The following CAMKMT variants were observed in gnomAD, a reference collection of about 807,000 sequenced individuals.
CAMKMT encodes CaM KMT.
In CAMKMT, 53 loss-of-function variants were observed where a neutral mutation model predicts 48.0. That is an observed-to-expected ratio of 1.10 (90% CI 0.89 to 1.39). The LOEUF is 1.39. Among genes scored for constraint, CAMKMT ranks in the 40% most tolerant of loss-of-function variants. CAMKMT has a pLI of 0.00. For synonymous variants in CAMKMT, 165 were observed against 152.3 expected (o/e 1.08, Z -0.61); for missense variants, 428 against 402.7 (o/e 1.06, Z -0.54).
chr2:44,517,341 A>G (rs1034424793), intron 3 of CAMKMT, among the ~76,000 whole-genome samples: 3 of 152,242 alleles, frequency 2.0e-5, no homozygotes, highest in African/African-American at 7.2e-5. Flanking sequence ...TTTTATGAGC[A>G]ACTTAAGAAT....
chr2:44,514,861 T>C (rs1480496916), intron 3 of CAMKMT, among the ~76,000 whole-genome samples: 1 of 152,210 alleles, frequency 6.6e-6, no homozygotes, highest in Non-Finnish European at 1.5e-5. Flanking sequence ...AAGATAAGTA[T>C]ATATAAAAGG....
At chr2:44,406,028 T>G (rs1367552301) in intron 3 of CAMKMT, among the ~76,000 whole-genome samples, 1 of 152,172 alleles carries the variant, frequency 6.6e-6, no homozygotes, top group Non-Finnish European at 1.5e-5. Context: ...CATATTTAAC[T>G]TGGAACCAAG....
At chr2:44,484,427 A>G (rs1669115294) in intron 3 of CAMKMT, among the ~76,000 whole-genome samples, 1 of 152,090 alleles carries the variant, frequency 6.6e-6, no homozygotes, top group African/African-American at 2.4e-5. Context: ...ACCCACATAT[A>G]TGTGGAAACT....
chr2:44,753,907 C>G, intron 8 of CAMKMT, 148 bp from the exon 9 acceptor site: 3 of 644,718 alleles, frequency 4.7e-6, no homozygotes, highest in Non-Finnish European at 8.3e-6. Context: ...CTCCCACCCC[C>G]TCCAGTGAGA....
rs533967819 is a variant in CAMKMT, at chr2:44,533,917, C to G, written c.376+143612C>G. 1.0e-3 allele frequency among the ~76,000 whole-genome samples: 158 copies of G among 152,164 alleles called. 1 individual carries two copies. The highest frequency in any genetic ancestry group is 1.8e-3 in the Non-Finnish European group (121 of 68,016). On this transcript the variant is annotated intron_variant, in intron 3 of 10. Transcript: ENST00000378494. ...AAATGTAAGTGGATTAAATTTTCCA[C>G]TTAAAACATAGAGGCTGGCTGAATG...
intron 3 of CAMKMT, among the ~76,000 whole-genome samples, chr2:44,512,327 G>A (rs1670605119): frequency 6.6e-6 from 1 of 152,156 alleles, no homozygotes; most frequent in South Asian, 2.1e-4. Flanking sequence ...TAAATCATAG[G>A]TTTGCTGTAG....
At chr2:44,521,298 TAGAC>T (rs951644541) in intron 3 of CAMKMT, among the ~76,000 whole-genome samples, 7 of 152,110 alleles carry the variant, frequency 4.6e-5, no homozygotes, top group African/African-American at 1.7e-4. Context: ...TTTTTTTTAA[TAGAC>T]AGAGTCTTGC....
At chr2:44,728,693 T>A (rs1267195344) in intron 7 of CAMKMT, among the ~76,000 whole-genome samples, 1 of 152,200 alleles carries the variant, frequency 6.6e-6, no homozygotes, top group Non-Finnish European at 1.5e-5. Flanking sequence ...TTTTCTAATT[T>A]GTATGCATAG....
intron 3 of CAMKMT, among the ~76,000 whole-genome samples, chr2:44,415,047 G>A (rs572279115): frequency 5.9e-5 from 9 of 152,322 alleles, no homozygotes; most frequent in South Asian, 2.1e-4. Context: ...AGCTACTCAG[G>A]AGGCTGAGGC....
chr2:44,507,961 A>G (rs1670345625), intron 3 of CAMKMT, among the ~76,000 whole-genome samples: 1 of 152,242 alleles, frequency 6.6e-6, no homozygotes, highest in Non-Finnish European at 1.5e-5. Context: ...GCACTGTTCC[A>G]GAACAGTGTT....
At chr2:44,403,435 G>T (rs1260716397) in intron 3 of CAMKMT, among the ~76,000 whole-genome samples, 1 of 152,154 alleles carries the variant, frequency 6.6e-6, no homozygotes, top group Non-Finnish European at 1.5e-5. Context: ...AATAAGAGAT[G>T]AGATTTCAAG....
At chr2:44,437,972 A>G (rs1439324981) in intron 3 of CAMKMT, among the ~76,000 whole-genome samples, 1 of 151,752 alleles carries the variant, frequency 6.6e-6, no homozygotes, top group African/African-American at 2.4e-5. Context: ...TGCCACCTCT[A>G]CTGGTTTTTT....
intron 3 of CAMKMT, among the ~76,000 whole-genome samples, chr2:44,447,483 A>G (rs1311652290): frequency 6.6e-6 from 1 of 152,180 alleles, no homozygotes; most frequent in Non-Finnish European, 1.5e-5. Flanking sequence ...TTATGTTGCA[A>G]TAATAAACAG....
At chr2:44,571,860 T>C (rs986235235) in intron 3 of CAMKMT, among the ~76,000 whole-genome samples, 1 of 152,124 alleles carries the variant, frequency 6.6e-6, no homozygotes, top group African/African-American at 2.4e-5. Context: ...ATAACAGTTA[T>C]TACTTGCAGA....
At chr2:44,621,541 A>G (rs1221199559) in intron 3 of CAMKMT, among the ~76,000 whole-genome samples, 1 of 152,204 alleles carries the variant, frequency 6.6e-6, no homozygotes, top group African/African-American at 2.4e-5. Context: ...AACATATTCT[A>G]GGCAGAGGAA....
chr2:44,465,291 C>T lies in CAMKMT; in HGVS notation c.376+74986C>T, dbSNP rs1668053140. Among the ~76,000 whole-genome samples the T allele has an allele frequency of 2.0e-5, 3 of 151,968 alleles. No individual in the cohort carries two copies. In the South Asian group the frequency reaches 6.2e-4, roughly 32 times the overall value. ...AAAAAATGAGAACAGAATAAAAACA[C>T]ATCACTAAAAAAATCAATGAAACAG... is the stretch of plus-strand genomic sequence containing the variant. On this transcript the variant is annotated intron_variant, in intron 3 of 10. Coordinates refer to ENST00000378494, the MANE Select transcript of CAMKMT (RefSeq NM_024766.5).
chr2:44,645,712 TCAGGAGGCTGAGG>T (rs965227258), intron 3 of CAMKMT, among the ~76,000 whole-genome samples: 1 of 151,988 alleles, frequency 6.6e-6, no homozygotes, highest in African/African-American at 2.4e-5. Context: ...TCCAAGCTAC[TCAGGAGGCTGAGG>T]CAGGAGAATC....
At chr2:44,412,994 T>G (rs536322297) in intron 3 of CAMKMT, among the ~76,000 whole-genome samples, 1 of 151,808 alleles carries the variant, frequency 6.6e-6, no homozygotes, top group East Asian at 2.0e-4. Context: ...GAGAATGGCT[T>G]GAACCCGGGA....
intron 3 of CAMKMT, among the ~76,000 whole-genome samples, chr2:44,612,935 G>A (rs1671678066): frequency 6.6e-6 from 1 of 152,078 alleles, no homozygotes. Flanking sequence ...ACTTGAATAG[G>A]TCTTTGCCAG....
Sources: allele counts gnomAD v4.1 joint callset (sites outside exome capture counted in the v4.1 genomes callset), GRCh38; gene constraint gnomAD v4.1.1; transcripts MANE v1.5; gene names NCBI Gene and HGNC (gene_info 2026-07-23, HGNC 2026-07-21).